The following KANSL1 variants were observed in gnomAD, a reference collection of about 807,000 sequenced individuals.
KANSL1 encodes the protein KAT8 regulatory NSL complex subunit 1, also known as MLL1/MLL complex subunit KANSL1.
Under a neutral mutation model 103.6 loss-of-function variants are expected in KANSL1, and 22 were observed. The ratio of observed to expected loss-of-function variants is 0.21; its 90% CI spans 0.15 to 0.30. The LOEUF (loss-of-function observed/expected upper bound fraction) is 0.30. Among genes scored for constraint, KANSL1 ranks in the 10% least tolerant of loss-of-function variants. The pLI, the probability that KANSL1 is intolerant of heterozygous loss-of-function variation, is 1.00. For synonymous variants in KANSL1, 600 were observed against 527.6 expected, an observed-to-expected ratio of 1.14 and a Z score of -1.88; for missense variants, 1,337 against 1,399.8, an observed-to-expected ratio of 0.96 and a Z score of 0.72.
At chr17:46,219,783 T>C (rs182479245) in intron 1 of KANSL1, among the ~76,000 whole-genome samples, 1,139 of 152,002 alleles carry the variant, frequency 7.5e-3, no homozygotes, top group African/African-American at 0.027. Context: ...CCCTTTTGCG[T>C]GTGTATCCCC....
At chr17:46,138,329 G>C (rs1268951490) in intron 2 of KANSL1, among the ~76,000 whole-genome samples, 2 of 152,188 alleles carry the variant, frequency 1.3e-5, no homozygotes, top group African/African-American at 2.4e-5. Flanking sequence ...AACAATGTCT[G>C]TACTGAATAT....
rs562840943 is a variant in KANSL1, at chr17:46,074,956, T to C, written c.1534-7289A>G. Among the ~76,000 whole-genome samples the C allele has an allele frequency of 4.6e-5, 7 of 152,214 alleles. No homozygotes were observed. In the East Asian group the frequency reaches 9.6e-4, roughly 21 times the overall value. On this transcript the variant is annotated intron_variant, in intron 4 of 14. Coordinates refer to ENST00000432791, the MANE Select transcript of KANSL1 (RefSeq NM_015443.4). ...CCCTGTGGTGTAGAGAAGGGTACAGTATCTTCTGTGGCATTCCTGTAAAAC... is the reference window on the plus strand; with the variant it reads ...CCCTGTGGTGTAGAGAAGGGTACAGCATCTTCTGTGGCATTCCTGTAAAAC...
intron 4 of KANSL1, among the ~76,000 whole-genome samples, chr17:46,071,402 A>G (rs1461240639): frequency 6.6e-6 from 1 of 152,246 alleles, no homozygotes; most frequent in Non-Finnish European, 1.5e-5. Context: ...CATGTCCTGC[A>G]ACCCATCATC....
intron 2 of KANSL1, among the ~76,000 whole-genome samples, chr17:46,138,754 T>G (rs1217937874): frequency 6.6e-6 from 1 of 152,210 alleles, no homozygotes; most frequent in Non-Finnish European, 1.5e-5. Context: ...AAAGATGAGA[T>G]AGTATTCCTC....
upstream of KANSL1, chr17:46,224,966 T>G (rs2048639592): frequency 6.6e-6 from 1 of 151,570 alleles, no homozygotes; most frequent in Non-Finnish European, 1.5e-5. Context: ...TCCGCGTCGG[T>G]CCGTCCCACC....
intron 2 of KANSL1, among the ~76,000 whole-genome samples, chr17:46,104,972 C>A (rs1166620572): frequency 1.3e-5 from 2 of 152,132 alleles, no homozygotes; most frequent in Non-Finnish European, 2.9e-5. Context: ...CCCGTCACCA[C>A]GCCTCGCTAA....
rs140089320 is a variant in KANSL1, at chr17:46,171,702, C to G, written c.442G>C (p.Ala148Pro). ...CCATTTACAGGTGCTTGTGGCAGAG[C>G]TGTCTGACCACTCGTATTCATGGTT... ...LRTMNTSGQTALPQAPVNGLA... is the reference protein window; with the variant it reads ...LRTMNTSGQTPLPQAPVNGLA... The change falls in exon 2 of 15, where the codon GCT (alanine) becomes CCT (proline). Residue 148 changes from alanine to proline, a missense_variant. Transcript: ENST00000432791. The G allele has an allele frequency of 6.4e-7, 1 of 1,557,006 alleles. No homozygotes were observed. Among genetic ancestry groups the G allele is most frequent in the Non-Finnish European group, 8.6e-7 (1 of 1,156,194 alleles).
rs760256746 is a variant in KANSL1 at position 46,031,564 on chromosome 17, T to C, written c.3230A>G (p.Glu1077Gly). 2 of 1,614,124 alleles carry C rather than the reference T, an allele frequency of 1.2e-6. No individual in the cohort carries two copies. Among genetic ancestry groups the C allele is most frequent in the Admixed American group, 3.3e-5 (2 of 60,018 alleles). ...TSGSKTGRET[E>G]AAPTSPPIVP... ...AATGGGAGGCGAGGTGGGCGCTGCC[T>C]CTGTCTCCCGGCCAGTCTTGCTGCC... Residue 1077 changes from glutamate to glycine, a missense_variant, in exon 15 of 15, where the codon GAG becomes GGG. This residue lies in a region of KANSL1 where 780 missense variants were observed against 923.4 expected (regional missense o/e 0.84). Transcript: ENST00000432791.
chr17:46,194,830 G>C (rs985134550), upstream of KANSL1, among the ~76,000 whole-genome samples: 1 of 152,144 alleles, frequency 6.6e-6, no homozygotes, highest in East Asian at 1.9e-4. Context: ...GTTACAGAAC[G>C]GTTTTAGTCT....
chr17:46,209,143 G>A (rs1300022607), intron 1 of KANSL1, among the ~76,000 whole-genome samples: 6 of 150,552 alleles, frequency 4.0e-5, no homozygotes, highest in Admixed American at 6.6e-5. Context: ...AGATTGCGCC[G>A]ATTGCACTCC....
At chr17:46,150,284 T>TCC (rs2045019625) in intron 2 of KANSL1, among the ~76,000 whole-genome samples, 1 of 151,986 alleles carries the variant, frequency 6.6e-6, no homozygotes, top group East Asian at 1.9e-4. Flanking sequence ...CACCTACATC[T>TCC]CCCTTGCTTC....
chr17:46,154,672 CA>C (rs1199657401), intron 2 of KANSL1, among the ~76,000 whole-genome samples: 2 of 152,174 alleles, frequency 1.3e-5, no homozygotes, highest in African/African-American at 4.8e-5. Context: ...ATCTTCACTG[CA>C]AAGCCTTAAA....
intron 2 of KANSL1, among the ~76,000 whole-genome samples, chr17:46,164,172 A>T (rs561896310): frequency 6.6e-6 from 1 of 152,388 alleles, no homozygotes; most frequent in East Asian, 1.9e-4. Flanking sequence ...TATGACTTTA[A>T]CACTACCATA....
At chr17:46,155,378 G>C (rs548193788) in intron 2 of KANSL1, among the ~76,000 whole-genome samples, 2 of 152,096 alleles carry the variant, frequency 1.3e-5, no homozygotes, top group Admixed American at 6.5e-5. Flanking sequence ...GGCTGGTCTC[G>C]AACTCCCGGC....
intron 6 of KANSL1, among the ~76,000 whole-genome samples, chr17:46,057,882 G>A (rs2077989759): frequency 1.3e-5 from 2 of 152,178 alleles, no homozygotes; most frequent in Non-Finnish European, 1.5e-5. Flanking sequence ...GCTTCTAGCA[G>A]AGTAATAGTG....
chr17:46,054,334 G>T (rs577749827), intron 6 of KANSL1, among the ~76,000 whole-genome samples: 1 of 152,186 alleles, frequency 6.6e-6, no homozygotes, highest in Non-Finnish European at 1.5e-5. Flanking sequence ...GATTACAGGC[G>T]TGAGCCATCG....
intron 7 of KANSL1, among the ~76,000 whole-genome samples, chr17:46,047,855 TGAA>T (rs1302353442): frequency 6.7e-6 from 1 of 149,468 alleles, no homozygotes; most frequent in East Asian, 2.0e-4. Flanking sequence ...GGAGATATTA[TGAA>T]GAACAGCATG....
At chr17:46,093,011 C>T (rs2079472887) in intron 3 of KANSL1, 2 of 152,194 alleles carry the variant, frequency 1.3e-5, no homozygotes, top group Admixed American at 6.5e-5. Context: ...TATAAACCCA[C>T]ATATATATTT....
At position 46,094,512 on chromosome 17, in the gene KANSL1, T is replaced by C. The variant is rs764737842; in HGVS notation, c.1431+48A>G. 4.4e-6 allele frequency: 7 copies of C among 1,588,404 alleles called. No individual in the cohort carries two copies. In the African/African-American group the frequency reaches 5.5e-5, roughly 12 times the overall value. On this transcript the variant is annotated intron_variant, in intron 3 of 14. Coordinates refer to ENST00000432791, the MANE Select transcript of KANSL1 (RefSeq NM_015443.4). ...GGGAGGGGATGTGAGAAAAGCGATA[T>C]TGATAGTTTTCGGCAGCATTTAAAA...
Sources: gnomAD v4.1 joint callset for allele counts (sites outside exome capture counted in the v4.1 genomes callset) on GRCh38, gnomAD v4.1.1 for gene constraint, gnomAD v4.1.1 regional missense constraint, MANE v1.5 for transcripts, NCBI Gene and HGNC (gene_info 2026-07-23, HGNC 2026-07-21) for gene names.